Variants in UBN2 observed in about 807,000 individuals in gnomAD.
UBN2 encodes ubinuclein-2.
In UBN2, 35 loss-of-function variants were observed where a neutral mutation model predicts 120.2. That is an observed-to-expected ratio of 0.29 (90% CI 0.22 to 0.39). The LOEUF is 0.39. Among genes scored for constraint, UBN2 ranks in the 10% least tolerant of loss-of-function variants. UBN2 has a pLI of 1.00. For missense variants in UBN2, 1,693 were observed against 1,663.2 expected (o/e 1.02, Z -0.31); for synonymous variants, 661 against 648.7 (o/e 1.02, Z -0.29).
At chr7:139,297,489 C>T (rs553929959) in intron 17 of UBN2, among the ~76,000 whole-genome samples, 3 of 152,080 alleles carry the variant, frequency 2.0e-5, no homozygotes, top group Non-Finnish European at 4.4e-5. Context: ...ATAACCCTCT[C>T]ACAGCATTTG....
the UBN2 span, among the ~76,000 whole-genome samples, chr7:139,314,146 C>G: frequency 6.6e-6 from 1 of 150,528 alleles, no homozygotes; most frequent in African/African-American, 2.4e-5. Flanking sequence ...CCGCACCTGG[C>G]CCAGAAACTC....
At position 139,231,505 on chromosome 7, in the gene UBN2, A is replaced by G; in HGVS notation, c.21A>G (p.Val7=). The part of the protein sequence containing the change: MAEPRR[V]AFISLSPVRR... Reference sequence around the variant, plus strand: ...TGGGGATGGCGGAGCCGCGCAGAGTAGCGTTCATTAGCTTGTCACCGGTGC... The same window carrying G: ...TGGGGATGGCGGAGCCGCGCAGAGTGGCGTTCATTAGCTTGTCACCGGTGC... Residue 7 remains valine (V), a synonymous_variant, in exon 1 of 18, where the codon GTA becomes GTG. Coordinates refer to ENST00000473989, the MANE Select transcript of UBN2 (RefSeq NM_173569.4). 7.1e-7 allele frequency: 1 copy of G among 1,410,922 alleles called. No homozygotes were observed. Among genetic ancestry groups the G allele is most frequent in the Non-Finnish European group, 9.3e-7 (1 of 1,074,410 alleles). The allele number at this position is 1,410,922 out of a possible 1,614,324, so 87.4% of individuals were successfully genotyped here.
the UBN2 span, among the ~76,000 whole-genome samples, chr7:139,321,489 G>A: frequency 6.6e-6 from 1 of 152,206 alleles, no homozygotes; most frequent in Admixed American, 6.5e-5. Flanking sequence ...GGCATGGTTT[G>A]CACTCTCAGA....
chr7:139,316,376 G>A, the UBN2 span, among the ~76,000 whole-genome samples: 1 of 152,116 alleles, frequency 6.6e-6, no homozygotes, highest in Non-Finnish European at 1.5e-5. Flanking sequence ...TTAGAACTTT[G>A]TATGTCTGAA....
intron 6 of UBN2, among the ~76,000 whole-genome samples, chr7:139,264,253 T>TA (rs1207135430): frequency 6.6e-6 from 1 of 152,238 alleles, no homozygotes; most frequent in Non-Finnish European, 1.5e-5. Flanking sequence ...AACTTCCTCT[T>TA]AGAGATTACC....
intron 2 of UBN2, among the ~76,000 whole-genome samples, chr7:139,244,612 C>T (rs948146595): frequency 6.6e-6 from 1 of 152,088 alleles, no homozygotes; most frequent in Non-Finnish European, 1.5e-5. Context: ...ACCACTGCTT[C>T]CAGTTCTATC....
intron 12 of UBN2, chr7:139,277,042 G>A (rs1797463132): frequency 6.6e-6 from 1 of 150,714 alleles, no homozygotes; most frequent in African/African-American, 2.4e-5. Flanking sequence ...CAGCCTGGGG[G>A]ACAGAACAGA....
At chr7:139,324,287 TGGCTG>T in the UBN2 span, among the ~76,000 whole-genome samples, 2 of 152,164 alleles carry the variant, frequency 1.3e-5, no homozygotes, top group African/African-American at 4.8e-5. Context: ...AAAAGAAACT[TGGCTG>T]GGCGTGGTGG....
the UBN2 span, among the ~76,000 whole-genome samples, chr7:139,322,516 C>G: frequency 1.3e-5 from 2 of 152,184 alleles, no homozygotes; most frequent in African/African-American, 4.8e-5. Context: ...TGGGCCATGT[C>G]CCCTGGCCCT....
intron 17 of UBN2, among the ~76,000 whole-genome samples, chr7:139,295,000 A>C (rs77020907): frequency 0.082 from 12,536 of 152,014 alleles, 909 homozygotes; most frequent in Admixed American, 0.21. Flanking sequence ...ATAGACACTG[A>C]TATTATTCTG....
intron 11 of UBN2, among the ~76,000 whole-genome samples, chr7:139,275,381 A>C (rs1244785216): frequency 2.0e-5 from 3 of 151,028 alleles, no homozygotes; most frequent in Non-Finnish European, 4.4e-5. Context: ...CAGGAGATTG[A>C]GACCATCCTG....
At chr7:139,317,826 G>C in the UBN2 span, among the ~76,000 whole-genome samples, 2 of 151,906 alleles carry the variant, frequency 1.3e-5, no homozygotes, top group East Asian at 3.9e-4. Flanking sequence ...CCATGCCCAG[G>C]TAATTTTTGC....
chr7:139,329,525 G>A, the UBN2 span, among the ~76,000 whole-genome samples: 1 of 152,112 alleles, frequency 6.6e-6, no homozygotes, highest in Non-Finnish European at 1.5e-5. Context: ...GAGCCCCACT[G>A]GCCTGACACT....
At chr7:139,267,931 A>G (rs1797147897) in intron 7 of UBN2, among the ~76,000 whole-genome samples, 1 of 152,236 alleles carries the variant, frequency 6.6e-6, no homozygotes, top group African/African-American at 2.4e-5. Context: ...TGAACAGTGC[A>G]GCCATTACTT....
intron 5 of UBN2, among the ~76,000 whole-genome samples, chr7:139,260,304 T>C (rs1427462697): frequency 2.0e-5 from 3 of 151,714 alleles, no homozygotes; most frequent in East Asian, 1.9e-4. Flanking sequence ...CGCCATGTTA[T>C]CTAGGCTGGT....
chr7:139,258,587 G>T lies in UBN2; in HGVS notation c.763G>T (p.Asp255Tyr). 1 of 1,606,582 alleles carries T rather than the reference G, an allele frequency of 6.2e-7. No individual in the cohort carries two copies. ...QFRQASDTEE[D>Y]DITDNQKHKP... is the part of the protein sequence containing the mutation. ...TCGCCAAGCTTCAGATACTGAAGAA[G>T]ATGATATTACAGACAACCAAAAGCA... Residue 255 changes from aspartate (D) to tyrosine (Y), a missense_variant, in exon 4 of 18, where the codon GAT becomes TAT. Around this residue, in one of 5 missense-constraint regions of UBN2, gnomAD observed 663 missense variants for 591.2 expected, o/e 1.12. Transcript: ENST00000473989.
At chr7:139,258,021 G>A (rs927104275) in intron 3 of UBN2, among the ~76,000 whole-genome samples, 2 of 151,998 alleles carry the variant, frequency 1.3e-5, no homozygotes, top group East Asian at 1.9e-4. Flanking sequence ...TGATCCACCC[G>A]CCTCAGCCTC....
rs917983584 is a variant in UBN2, at chr7:139,258,413, T to G, written c.664-75T>G. On this transcript the variant is annotated intron_variant, in intron 3 of 17. Transcript: ENST00000473989. ...GGATTTAAGGGAGATGCTGCCATGG[T>G]GGATGAATTTCTTTGACATTTATAG... 3 of 1,214,126 alleles carry G rather than the reference T, an allele frequency of 2.5e-6. No homozygotes were observed. The African/African-American group carries it at 4.6e-5, about 19-fold the overall frequency. The allele number at this position is 1,214,126 out of a possible 1,614,324, so 75.2% of individuals were successfully genotyped here.
chr7:139,232,371 C>G (rs1796049591), intron 1 of UBN2, among the ~76,000 whole-genome samples: 1 of 152,256 alleles, frequency 6.6e-6, no homozygotes, highest in African/African-American at 2.4e-5. Flanking sequence ...GACACGCCCC[C>G]CAGTCTGAAG....
Sources: allele counts gnomAD v4.1 joint callset (sites outside exome capture counted in the v4.1 genomes callset), GRCh38; gene constraint gnomAD v4.1.1; regional missense constraint gnomAD v4.1.1; transcripts MANE v1.5; gene names NCBI Gene and HGNC (gene_info 2026-07-23, HGNC 2026-07-21).